LRP5: variants seen among roughly 807,000 people sequenced by gnomAD.
LRP5 encodes the protein LDL receptor related protein 5, also known as low-density lipoprotein receptor-related protein 5.
A neutral mutation model predicts 154.1 loss-of-function variants in LRP5; 62 were observed. That is an observed-to-expected ratio of 0.40 (90% CI 0.33 to 0.50). LRP5 has a LOEUF of 0.50. LRP5 is among the 20% of genes least tolerant of loss of function. The probability of loss-of-function intolerance (pLI) is 0.55; values close to 1 mark genes in which losing one functional copy is unlikely to be tolerated. For synonymous variants in LRP5, 966 were observed against 1,011.5 expected (o/e 0.96, Z 0.85); for missense variants, 1,915 against 2,336.7 (o/e 0.82, Z 3.72).
At chr11:68,438,780 T>G in intron 20 of LRP5, 98 bp downstream of exon 20, 8 of 1,023,190 alleles carry the variant, frequency 7.8e-6, no homozygotes. Flanking sequence ...CAGGCCCTCT[T>G]GCACATGTGG....
intron 5 of LRP5, among the ~76,000 whole-genome samples, chr11:68,368,842 GAT>G (rs1416864475): frequency 1.3e-5 from 2 of 150,058 alleles, no homozygotes; most frequent in Non-Finnish European, 2.9e-5. Context: ...TTTAGTGAAG[GAT>G]ATCTTTTTTT....
intron 8 of LRP5, 117 bp from the exon 9 acceptor site, chr11:68,406,407 G>A (rs1251439809): frequency 8.7e-7 from 1 of 1,154,370 alleles, no homozygotes; most frequent in Non-Finnish European, 1.3e-6. Flanking sequence ...GGTGAGTCCT[G>A]AGCTCGGCAC....
At chr11:68,300,877 A>G in the LRP5 span, among the ~76,000 whole-genome samples, 1 of 149,274 alleles carries the variant, frequency 6.7e-6, no homozygotes, top group Non-Finnish European at 1.5e-5. Context: ...TTTTTTCTTT[A>G]CAGTGACTAT....
At chr11:68,382,708 T>C (rs2098640910) in intron 5 of LRP5, among the ~76,000 whole-genome samples, 1 of 152,020 alleles carries the variant, frequency 6.6e-6, no homozygotes, top group Non-Finnish European at 1.5e-5. Flanking sequence ...TGCTGGCTCC[T>C]GGGATTGAAG....
At chr11:68,443,795 A>G (rs2098679956) in intron 21 of LRP5, among the ~76,000 whole-genome samples, 1 of 149,594 alleles carries the variant, frequency 6.7e-6, no homozygotes, top group South Asian at 2.1e-4. Flanking sequence ...AGTAGCTGGG[A>G]TTATAGGCAT....
At chr11:68,403,814 G>A in intron 8 of LRP5, 115 bp downstream of exon 8, 1 of 1,245,142 alleles carries the variant, frequency 8.0e-7, no homozygotes, top group Non-Finnish European at 1.1e-6. Context: ...CCTGGGGAAG[G>A]GCAGGACAGG....
chr11:68,409,638 G>T (rs2153166248), intron 9 of LRP5, among the ~76,000 whole-genome samples: 1 of 152,086 alleles, frequency 6.6e-6, no homozygotes, highest in East Asian at 1.9e-4. Context: ...ACTGAGGTCT[G>T]GATTTCGAGA....
In LRP5 at chr11:68,353,959, G is replaced by C. The variant is rs1302352770; in HGVS notation, c.489-3691G>C. On this transcript the variant is annotated intron_variant, in intron 2 of 22. Coordinates refer to ENST00000294304, the MANE Select transcript of LRP5 (RefSeq NM_002335.4). The surrounding 1 kb of genome is among the most constrained non-coding windows in gnomAD (Gnocchi z 4.5). The stretch of plus-strand genomic sequence containing the variant: ...GCCCAGGGTACCCATGTGGGTGGCA[G>C]AGCGGGCTCTGGGGATGACCCTCTG... 6.6e-6 allele frequency among the ~76,000 whole-genome samples: 1 copy of C among 152,224 alleles called. No homozygotes were observed. The highest frequency in any genetic ancestry group is 1.5e-5 in the Non-Finnish European group (1 of 68,042).
At chr11:68,409,367 A>C (rs968614787) in intron 9 of LRP5, among the ~76,000 whole-genome samples, 29 of 146,728 alleles carry the variant, frequency 2.0e-4, no homozygotes, top group Non-Finnish European at 3.4e-4. Flanking sequence ...TATAATATAC[A>C]TTTATAAATA....
chr11:68,430,407 C>T lies in LRP5; in HGVS notation c.3763+707C>T, dbSNP rs369378460. On this transcript the variant is annotated intron_variant, in intron 17 of 22. Transcript: ENST00000294304. Reference sequence around the variant, plus strand: ...CAGGCTGGTCTCGAACTCCTGACCTCGTGATCCGCCCACCTCGGCCTCCCA... The same window carrying T: ...CAGGCTGGTCTCGAACTCCTGACCTTGTGATCCGCCCACCTCGGCCTCCCA... 4.3e-4 allele frequency among the ~76,000 whole-genome samples: 66 copies of T among 152,194 alleles called. No individual in the cohort carries two copies. The South Asian group carries it at 8.7e-3, about 20-fold the overall frequency.
chr11:68,357,367 A>G (rs932101740), intron 2 of LRP5, among the ~76,000 whole-genome samples: 7 of 152,258 alleles, frequency 4.6e-5, no homozygotes, highest in African/African-American at 1.2e-4. Context: ...TAAAAAACTT[A>G]CAGCAGAGTA....
intron 7 of LRP5, among the ~76,000 whole-genome samples, chr11:68,400,242 C>T (rs911840009): frequency 1.3e-5 from 2 of 152,184 alleles, no homozygotes; most frequent in Non-Finnish European, 1.5e-5. Flanking sequence ...AAGTGGCTGC[C>T]GGCCGCTGCC....
chr11:68,449,121 T>C lies in LRP5; in HGVS notation c.*51T>C, dbSNP rs1191341449. 2 of 1,416,318 alleles carry C rather than the reference T, an allele frequency of 1.4e-6. No individual in the cohort carries two copies. The highest frequency in any genetic ancestry group is 2.9e-5 in the African/African-American group (2 of 69,744). 87.7% of individuals were successfully genotyped at this position (1,416,318 alleles called of 1,614,324 possible). On this transcript the variant is annotated 3_prime_UTR_variant, in exon 23 of 23. Transcript: ENST00000294304. ...CTGTGCCCCTGTAAATAGTTTTAAA[T>C]ATGAACAAAGAAAAAAATATATTTT...
chr11:68,305,164 T>C, the LRP5 span, among the ~76,000 whole-genome samples: 2 of 152,022 alleles, frequency 1.3e-5, no homozygotes, highest in Admixed American at 6.6e-5. Flanking sequence ...GTTTGGGTCA[T>C]GGGGGCAGAC....
intron 1 of LRP5, among the ~76,000 whole-genome samples, chr11:68,324,998 G>C (rs1388353863): frequency 1.3e-5 from 2 of 152,204 alleles, no homozygotes. Context: ...GAGCTCTGGG[G>C]GTCCCTCTGG....
rs573552075 is a variant in LRP5, at chr11:68,423,030, G to C, written c.3028-459G>C. ...CGTGAGGGCCGCAGTCCAAAAGCTT[G>C]AGTCCTGGAAGGTGGAGGAGACAGG... On this transcript the variant is annotated intron_variant, in intron 13 of 22. Coordinates refer to ENST00000294304, the MANE Select transcript of LRP5 (RefSeq NM_002335.4). This position sits in a 1 kb window ranked among gnomAD's most constrained non-coding sequence, Gnocchi z 4.7. Among the ~76,000 whole-genome samples, 1 of 152,324 alleles carries C rather than the reference G, an allele frequency of 6.6e-6. No individual in the cohort carries two copies. The highest frequency in any genetic ancestry group is 6.5e-5 in the Admixed American group (1 of 15,294).
rs1270074206 is a variant in LRP5, at chr11:68,439,723, G to T, written c.4349-54G>T. On this transcript the variant is annotated intron_variant, in intron 20 of 22. Transcript: ENST00000294304. Reference sequence around the variant, plus strand: ...GAGGAGAGCGCCCTATGTCTGTGGGGCGGCTTGGCTGAGCCTGGAAGCCAC... The same window carrying T: ...GAGGAGAGCGCCCTATGTCTGTGGGTCGGCTTGGCTGAGCCTGGAAGCCAC... 3.2e-6 allele frequency: 5 copies of T among 1,582,638 alleles called. No homozygotes were observed. In the East Asian group the frequency reaches 1.1e-4, roughly 36 times the overall value.
intron 17 of LRP5, among the ~76,000 whole-genome samples, chr11:68,433,355 A>G (rs1434781751): frequency 6.6e-6 from 1 of 152,226 alleles, no homozygotes; most frequent in African/African-American, 2.4e-5. Flanking sequence ...ATTGAAAAAC[A>G]TACGGATGCA....
the LRP5 span, among the ~76,000 whole-genome samples, chr11:68,304,692 G>A: frequency 1.5e-4 from 23 of 152,382 alleles, no homozygotes; most frequent in East Asian, 4.2e-3. Flanking sequence ...TTGGGAGCCT[G>A]CCCCTTGCAC....
Sources: gnomAD v4.1 joint callset for allele counts (sites outside exome capture counted in the v4.1 genomes callset) on GRCh38, gnomAD v4.1.1 for gene constraint, Gnocchi (gnomAD v3.1) non-coding constraint, MANE v1.5 for transcripts, NCBI Gene and HGNC (gene_info 2026-07-23, HGNC 2026-07-21) for gene names.